Variants in PLCL2 observed in about 807,000 individuals in gnomAD.
The protein encoded by PLCL2 is inactive phospholipase C-like protein 2.
Under a neutral mutation model 79.6 loss-of-function variants are expected in PLCL2, and 4 were observed. That is an observed-to-expected ratio of 0.05 (90% confidence interval 0.02 to 0.11). The LOEUF (loss-of-function observed/expected upper bound fraction) is 0.11. PLCL2 is among the 10% of genes least tolerant of loss of function. PLCL2 has a pLI of 1.00. For missense variants in PLCL2, 895 were observed against 1,291.0 expected (o/e 0.69, Z 4.70); for synonymous variants, 484 against 457.7 (o/e 1.06, Z -0.73).
chr3:17,029,648 A>G (rs2064559983), intron 3 of PLCL2, among the ~76,000 whole-genome samples: 1 of 152,182 alleles, frequency 6.6e-6, no homozygotes, highest in South Asian at 2.1e-4. Context: ...GGGTAGGGAT[A>G]GGGTCCGTTT....
intron 1 of PLCL2, among the ~76,000 whole-genome samples, chr3:16,949,082 A>G (rs1364458685): frequency 3.3e-5 from 5 of 152,146 alleles, no homozygotes; most frequent in Admixed American, 1.3e-4. Context: ...CCATTCCCCT[A>G]TTGATGGTCA....
rs1179840130 is a variant in PLCL2, at chr3:16,952,425, T to C, written c.328-57249T>C. Among the ~76,000 whole-genome samples, 11 of 135,270 alleles carry C rather than the reference T, an allele frequency of 8.1e-5. No individual in the cohort carries two copies. In the Admixed American group the frequency reaches 8.5e-4, roughly 10 times the overall value. The allele number at this position is 135,270 out of a possible 152,430, so 88.7% of individuals were successfully genotyped here. A position where few individuals can be genotyped will look rare whatever the true frequency, so the allele number is the denominator to read the frequency against. On this transcript the variant is annotated intron_variant, in intron 1 of 5. Coordinates refer to ENST00000615277, the MANE Select transcript of PLCL2 (RefSeq NM_001144382.2). ...TCTGTTCTAACTACTTTTAGGAACCTGTTTAACTCAAGGAAATAAAAATAC... is the reference window on the plus strand; with the variant it reads ...TCTGTTCTAACTACTTTTAGGAACCCGTTTAACTCAAGGAAATAAAAATAC...
chr3:16,982,713 C>T (rs1312937074), intron 1 of PLCL2, among the ~76,000 whole-genome samples: 1 of 152,096 alleles, frequency 6.6e-6, no homozygotes, highest in Non-Finnish European at 1.5e-5. Context: ...ACCGCTCCTG[C>T]GTCATAGCCA....
chr3:17,085,784 G>T (rs1294579684), intron 5 of PLCL2, among the ~76,000 whole-genome samples: 2 of 149,572 alleles, frequency 1.3e-5, no homozygotes. Context: ...AGAACAAGTG[G>T]AATTCGAAAT....
At chr3:16,906,976 A>G (rs1314171071) in intron 1 of PLCL2, among the ~76,000 whole-genome samples, 3 of 152,218 alleles carry the variant, frequency 2.0e-5, no homozygotes, top group Non-Finnish European at 4.4e-5. Flanking sequence ...TGCAGAGTTT[A>G]AGAGATCATT....
chr3:16,942,720 T>A (rs1175683103), intron 1 of PLCL2, among the ~76,000 whole-genome samples: 1 of 152,218 alleles, frequency 6.6e-6, no homozygotes, highest in Admixed American at 6.5e-5. Context: ...TTCTTCCTCA[T>A]TTCATCCCAT....
chr3:16,902,128 A>G (rs981138090), intron 1 of PLCL2, among the ~76,000 whole-genome samples: 1 of 151,974 alleles, frequency 6.6e-6, no homozygotes, highest in South Asian at 2.1e-4. Context: ...TTCACATCCA[A>G]CCTTCCCTGT....
intron 1 of PLCL2, among the ~76,000 whole-genome samples, chr3:16,960,164 A>G (rs1331693375): frequency 1.3e-5 from 2 of 152,204 alleles, no homozygotes; most frequent in Non-Finnish European, 2.9e-5. Flanking sequence ...CCTTCAGCAT[A>G]TCACCACTAT....
intron 1 of PLCL2, among the ~76,000 whole-genome samples, chr3:16,983,909 A>G (rs1053427104): frequency 3.9e-5 from 6 of 152,364 alleles, no homozygotes; most frequent in Middle Eastern, 3.4e-3. Flanking sequence ...CACATTTTCA[A>G]ATGTAATGAT....
intron 3 of PLCL2, among the ~76,000 whole-genome samples, chr3:17,033,873 CT>C (rs1306375558): frequency 6.6e-6 from 1 of 152,092 alleles, no homozygotes; most frequent in African/African-American, 2.4e-5. Context: ...TATTTGATGT[CT>C]TTTTTTATGT....
chr3:17,082,315 T>G (rs2065171454), intron 5 of PLCL2, among the ~76,000 whole-genome samples: 1 of 151,824 alleles, frequency 6.6e-6, no homozygotes, highest in African/African-American at 2.4e-5. Context: ...GCTAATTTTT[T>G]TTTTTTGTAT....
chr3:17,034,909 C>CTCCT (rs2064627172), intron 3 of PLCL2, among the ~76,000 whole-genome samples: 1 of 96,346 alleles, frequency 1.0e-5, no homozygotes, highest in Non-Finnish European at 2.0e-5. Flanking sequence ...TGGACTCACT[C>CTCCT]TCCCAGCACC....
intron 4 of PLCL2, among the ~76,000 whole-genome samples, chr3:17,044,640 G>A (rs2064762485): frequency 6.6e-6 from 1 of 152,068 alleles, no homozygotes; most frequent in South Asian, 2.1e-4. Flanking sequence ...GCACAGAGTA[G>A]TTGCCCAAAT....
intron 5 of PLCL2, among the ~76,000 whole-genome samples, chr3:17,084,405 C>G (rs1302947329): frequency 6.6e-6 from 1 of 152,122 alleles, no homozygotes; most frequent in East Asian, 1.9e-4. Flanking sequence ...AAAATAGAAG[C>G]AGAGTGAATA....
chr3:16,934,025 C>G (rs1697477337), intron 1 of PLCL2, among the ~76,000 whole-genome samples: 1 of 152,110 alleles, frequency 6.6e-6, no homozygotes. Context: ...CCAGATTGCA[C>G]CACTGCACTC....
intron 4 of PLCL2, among the ~76,000 whole-genome samples, chr3:17,062,676 A>G (rs1436347311): frequency 1.3e-5 from 2 of 152,358 alleles, no homozygotes; most frequent in Middle Eastern, 3.4e-3. Flanking sequence ...AATTAACTTC[A>G]AGATAATGTG....
At chr3:16,984,015 TA>T (rs1405881268) in intron 1 of PLCL2, among the ~76,000 whole-genome samples, 1 of 152,212 alleles carries the variant, frequency 6.6e-6, no homozygotes, top group Non-Finnish European at 1.5e-5. Context: ...ACCATTTAGG[TA>T]AATTGTTCTT....
At chr3:17,073,629 TC>T (rs1460166474) in intron 5 of PLCL2, among the ~76,000 whole-genome samples, 1 of 152,352 alleles carries the variant, frequency 6.6e-6, no homozygotes, top group Non-Finnish European at 1.5e-5. Context: ...CAGTAGAACT[TC>T]TTTGAAAATC....
At chr3:16,915,263 G>A (rs1696967147) in intron 1 of PLCL2, among the ~76,000 whole-genome samples, 1 of 152,164 alleles carries the variant, frequency 6.6e-6, no homozygotes, top group Non-Finnish European at 1.5e-5. Flanking sequence ...TGCTTCAGAC[G>A]TCATTGAAAT....
Sources: gnomAD v4.1 joint callset for allele counts (sites outside exome capture counted in the v4.1 genomes callset) on GRCh38, gnomAD v4.1.1 for gene constraint, MANE v1.5 for transcripts, NCBI Gene and HGNC (gene_info 2026-07-23, HGNC 2026-07-21) for gene names.